Variants in PAPPA2 observed in about 807,000 individuals in gnomAD.
PAPPA2 encodes the protein pappalysin-2.
PAPPA2 carries 86 observed loss-of-function variants against 176.4 expected under a neutral mutation model. The ratio of observed to expected loss-of-function variants is 0.49; its 90% CI spans 0.41 to 0.58. The LOEUF is 0.58. Among genes scored for constraint, PAPPA2 ranks in the 20% least tolerant of loss-of-function variants. The probability of loss-of-function intolerance (pLI) is 0.00; values close to 1 mark genes in which losing one functional copy is unlikely to be tolerated. For missense variants in PAPPA2, 2,073 were observed against 2,256.9 expected, an observed-to-expected ratio of 0.92 and a Z score of 1.65; for synonymous variants, 809 against 852.2, an observed-to-expected ratio of 0.95 and a Z score of 0.88.
At chr1:176,597,274 T>C (rs764202979) in intron 3 of PAPPA2, among the ~76,000 whole-genome samples, 7 of 152,230 alleles carry the variant, frequency 4.6e-5, no homozygotes, top group Non-Finnish European at 7.3e-5. Context: ...TACCTTGCAT[T>C]ATCAGTATTT....
intron 22 of PAPPA2, among the ~76,000 whole-genome samples, chr1:176,840,724 T>C (rs17312817): frequency 0.065 from 9,956 of 152,252 alleles, 381 homozygotes; most frequent in Non-Finnish European, 0.086. Context: ...GAGCACTCTC[T>C]GGATTGTCTC....
At chr1:176,812,853 CA>C (rs967035653) in intron 21 of PAPPA2, among the ~76,000 whole-genome samples, 1 of 151,630 alleles carries the variant, frequency 6.6e-6, no homozygotes, top group African/African-American at 2.4e-5. Flanking sequence ...GAACATGTGC[CA>C]TAGTGATTTG....
chr1:176,696,799 T>A (rs2102815134), intron 7 of PAPPA2, among the ~76,000 whole-genome samples: 1 of 152,300 alleles, frequency 6.6e-6, no homozygotes, highest in East Asian at 1.9e-4. Context: ...CAGTCTTGAT[T>A]GTGACACGAA....
intron 1 of PAPPA2, chr1:176,553,860 T>C (rs1651110649): frequency 1.3e-5 from 2 of 152,130 alleles, no homozygotes; most frequent in Non-Finnish European, 2.9e-5. Flanking sequence ...CCTCCTTTCT[T>C]TTCTGCTTTC....
chr1:176,547,798 T>TC (rs955902650), intron 1 of PAPPA2, among the ~76,000 whole-genome samples: 6 of 152,174 alleles, frequency 3.9e-5, no homozygotes, highest in African/African-American at 1.4e-4. Context: ...TGATAAAATA[T>TC]CCCCTGGGAG....
chr1:176,800,835 A>G (rs1481781015), intron 21 of PAPPA2, among the ~76,000 whole-genome samples: 2 of 152,120 alleles, frequency 1.3e-5, no homozygotes, highest in African/African-American at 4.8e-5. Flanking sequence ...TCTTAGGTAG[A>G]CCTGTTGTCC....
At chr1:176,674,853 C>A (rs1408106154) in intron 4 of PAPPA2, among the ~76,000 whole-genome samples, 2 of 151,334 alleles carry the variant, frequency 1.3e-5, no homozygotes, top group African/African-American at 2.4e-5. Context: ...GATCTCCATA[C>A]TGTTTTTTCA....
intron 2 of PAPPA2, among the ~76,000 whole-genome samples, chr1:176,583,761 A>C (rs1022792694): frequency 3.3e-5 from 5 of 152,078 alleles, no homozygotes; most frequent in Admixed American, 3.3e-4. Context: ...CTGATTTTTA[A>C]AATTATTTTG....
intron 17 of PAPPA2, among the ~76,000 whole-genome samples, chr1:176,783,779 C>T (rs186811162): frequency 3.7e-4 from 57 of 152,240 alleles, no homozygotes; most frequent in Admixed American, 3.5e-3. Flanking sequence ...TGGATGATCT[C>T]GCTCTCTGGT....
chr1:176,702,760 T>TGTGTGA (rs745411879), intron 9 of PAPPA2, 25 bp downstream of exon 9: 7 of 1,567,956 alleles, frequency 4.5e-6, no homozygotes, highest in Middle Eastern at 1.8e-4. Flanking sequence ...TGTGTGTGTG[T>TGTGTGA]GTGTGTGTGT....
chr1:176,668,843 AC>A (rs1383538718), intron 3 of PAPPA2, among the ~76,000 whole-genome samples: 1 of 152,166 alleles, frequency 6.6e-6, no homozygotes, highest in Non-Finnish European at 1.5e-5. Flanking sequence ...GAGTAACCAT[AC>A]CCAGTTTGCC....
intron 1 of PAPPA2, among the ~76,000 whole-genome samples, chr1:176,491,298 A>G (rs968321948): frequency 6.6e-6 from 1 of 152,208 alleles, no homozygotes; most frequent in Non-Finnish European, 1.5e-5. Context: ...ATCTGTGTGG[A>G]TTAGATGCTA....
At chr1:176,639,793 C>A (rs565904998) in intron 3 of PAPPA2, among the ~76,000 whole-genome samples, 1 of 151,312 alleles carries the variant, frequency 6.6e-6, no homozygotes, top group Non-Finnish European at 1.5e-5. Flanking sequence ...TGGCTCACTG[C>A]AACCTCCGGG....
intron 15 of PAPPA2, among the ~76,000 whole-genome samples, chr1:176,768,521 A>G (rs1304912941): frequency 3.3e-5 from 5 of 152,204 alleles, no homozygotes; most frequent in African/African-American, 9.7e-5. Context: ...ATAGGATATA[A>G]CAAACCAAAA....
chr1:176,840,696 G>T (rs1448351256), intron 22 of PAPPA2, among the ~76,000 whole-genome samples: 3 of 152,088 alleles, frequency 2.0e-5, no homozygotes, highest in Non-Finnish European at 4.4e-5. Flanking sequence ...CATGTTAAAT[G>T]GCTGCCACCA....
chr1:176,818,249 T>A (rs937657454), intron 21 of PAPPA2, among the ~76,000 whole-genome samples: 2 of 152,132 alleles, frequency 1.3e-5, no homozygotes, highest in African/African-American at 4.8e-5. Flanking sequence ...ATAATCTGAT[T>A]GAGAGCATGA....
intron 2 of PAPPA2, among the ~76,000 whole-genome samples, chr1:176,564,493 GAGCAGTAGTTTGCCAAC>G (rs1222791642): frequency 2.0e-5 from 3 of 152,192 alleles, no homozygotes; most frequent in African/African-American, 7.2e-5. Context: ...TTTTTCTCAT[GAGCAGTAGTTTGCCAAC>G]TGCTTTTTCC....
intron 2 of PAPPA2, among the ~76,000 whole-genome samples, chr1:176,560,285 C>G (rs535821080): frequency 2.0e-5 from 3 of 152,206 alleles, no homozygotes; most frequent in Admixed American, 6.5e-5. Flanking sequence ...CTCCCTCCCC[C>G]ACTCCAAACT....
chr1:176,623,012 A>G (rs1449504453), intron 3 of PAPPA2, among the ~76,000 whole-genome samples: 1 of 152,128 alleles, frequency 6.6e-6, no homozygotes, highest in Non-Finnish European at 1.5e-5. Flanking sequence ...CACTAATCTC[A>G]TTCATAAGGG....
Sources: allele counts gnomAD v4.1 joint callset (sites outside exome capture counted in the v4.1 genomes callset), GRCh38; gene constraint gnomAD v4.1.1; transcripts MANE v1.5; gene names NCBI Gene and HGNC (gene_info 2026-07-23, HGNC 2026-07-21).